Variants in DOCK8 observed in about 807,000 individuals in gnomAD.
DOCK8 encodes the protein dedicator of cytokinesis protein 8.
Under a neutral mutation model 245.6 loss-of-function variants are expected in DOCK8, and 141 were observed. That is an observed-to-expected ratio of 0.57 (90% CI 0.50 to 0.66). The LOEUF (loss-of-function observed/expected upper bound fraction) is 0.66. Among genes scored for constraint, DOCK8 ranks in the 30% least tolerant of loss-of-function variants. The probability of loss-of-function intolerance (pLI) is 0.00; values close to 1 mark genes in which losing one functional copy is unlikely to be tolerated. For synonymous variants in DOCK8, 1,168 were observed against 970.2 expected (o/e 1.20, Z -3.79); for missense variants, 2,965 against 2,603.4 (o/e 1.14, Z -3.02).
rs1448612154 is a variant in DOCK8 at position 449,903 on chromosome 9, C to T, written c.5937C>T (p.Gly1979=). The T allele has an allele frequency of 6.2e-7, 1 of 1,613,928 alleles. No individual in the cohort carries two copies. The highest frequency in any genetic ancestry group is 1.1e-5 in the South Asian group (1 of 91,072). ...AGATGCTTCAGATGGTGCTGCAAGG[C>T]TCTGTGGGAGCTACTGTAAATCAGG... is the stretch of plus-strand genomic sequence containing the variant. ...DAKMLQMVLQ[G]SVGATVNQGP... The change falls in exon 45 of 48, where the codon GGC becomes GGT. Residue 1979 remains glycine (G), a synonymous_variant. Coordinates refer to ENST00000432829, the MANE Select transcript of DOCK8 (RefSeq NM_203447.4).
At chr9:352,371 C>T (rs2052211317) in intron 14 of DOCK8, among the ~76,000 whole-genome samples, 1 of 152,150 alleles carries the variant, frequency 6.6e-6, no homozygotes, top group Admixed American at 6.5e-5. Context: ...CAACCTCTAA[C>T]GTTTCCTCCC....
intron 40 of DOCK8, among the ~76,000 whole-genome samples, chr9:440,683 T>G (rs10758602): frequency 0.65 from 99,353 of 151,838 alleles, 35,000 homozygotes; most frequent in East Asian, 0.96. Flanking sequence ...CTTTCTGAAT[T>G]GCTGTTAGTC....
chr9:431,031 C>G (rs1398149296), intron 36 of DOCK8, among the ~76,000 whole-genome samples: 2 of 109,958 alleles, frequency 1.8e-5, no homozygotes, highest in Non-Finnish European at 4.4e-5. Flanking sequence ...AGCCACCTTA[C>G]CCAGCTAATT....
Position 420,408 on chromosome 9 carries a change from A to G in DOCK8, c.3848A>G (p.Lys1283Arg), listed in dbSNP as rs2056227783. The G allele has an allele frequency of 1.2e-6, 2 of 1,614,106 alleles. No homozygotes were observed. The highest frequency in any genetic ancestry group is 1.3e-5 in the African/African-American group (1 of 75,018). ...SGIVLSSLPYKQYNMLNADTT... is the reference protein window; with the variant it reads ...SGIVLSSLPYRQYNMLNADTT... Reference sequence around the variant, plus strand: ...CAATCTGCCTCCCTTCAGCCCTATAAGCAGTACAACATGCTGAACGCGGAC... The same window carrying G: ...CAATCTGCCTCCCTTCAGCCCTATAGGCAGTACAACATGCTGAACGCGGAC... Residue 1283 changes from lysine to arginine, a missense_variant, in exon 31 of 48, where the codon AAG becomes AGG. By Grantham distance (26) the Lys-to-Arg change is conservative (BLOSUM62 2). Around this residue, in one of 3 missense-constraint regions of DOCK8, gnomAD observed 2,825 missense variants for 2,453.5 expected, o/e 1.15. Coordinates refer to ENST00000432829, the MANE Select transcript of DOCK8 (RefSeq NM_203447.4).
At chr9:261,071 G>A (rs1252792295) in intron 1 of DOCK8, among the ~76,000 whole-genome samples, 2 of 146,484 alleles carry the variant, frequency 1.4e-5, no homozygotes, top group African/African-American at 5.1e-5. Flanking sequence ...GGGCGACAGA[G>A]CAAGACTCCG....
chr9:307,820 T>A (rs1357245283), intron 5 of DOCK8, among the ~76,000 whole-genome samples: 1 of 152,068 alleles, frequency 6.6e-6, no homozygotes, highest in Non-Finnish European at 1.5e-5. Flanking sequence ...AACCTAAGTA[T>A]CCATCAGCAG....
At chr9:231,330 T>C (rs2047111611) in intron 1 of DOCK8, among the ~76,000 whole-genome samples, 1 of 152,160 alleles carries the variant, frequency 6.6e-6, no homozygotes, top group South Asian at 2.1e-4. Flanking sequence ...TGAAGTCAGG[T>C]AGTGTGATGC....
chr9:287,302 G>T (rs568712295), intron 3 of DOCK8, among the ~76,000 whole-genome samples: 1 of 152,222 alleles, frequency 6.6e-6, no homozygotes, highest in Non-Finnish European at 1.5e-5. Flanking sequence ...TTAGTTTTTG[G>T]CATCAAACTA....
At chr9:277,596 A>G (rs2048411390) in intron 2 of DOCK8, among the ~76,000 whole-genome samples, 1 of 150,750 alleles carries the variant, frequency 6.6e-6, no homozygotes. Context: ...GTTAGGATCT[A>G]TGCCCTAAGG....
At chr9:357,214 G>C (rs1199348379) in intron 14 of DOCK8, among the ~76,000 whole-genome samples, 1 of 152,212 alleles carries the variant, frequency 6.6e-6, no homozygotes, top group Non-Finnish European at 1.5e-5. Flanking sequence ...TCATAGAAAA[G>C]AATGGGATGG....
intron 27 of DOCK8, 99 bp from the exon 28 acceptor site, chr9:406,831 C>A: frequency 6.5e-7 from 1 of 1,528,584 alleles, no homozygotes; most frequent in Non-Finnish European, 9.0e-7. Flanking sequence ...GGGGAGGGCT[C>A]ACGAAGCCTG....
At position 289,520 on chromosome 9, in the gene DOCK8, G is replaced by T; in HGVS notation, c.343G>T (p.Asp115Tyr). The part of the protein sequence containing the change: ...PSLPEEGVEL[D>Y]PHVRDCVQTY... ...TTTCTACCTCATTAGGGTTGAACTG[G>T]ACCCTCATGTCAGGGACTGTGTTCA... Residue 115 changes from aspartate to tyrosine, a missense_variant, in exon 4 of 48, where the codon GAC becomes TAC. Asp to Tyr is a radical substitution (Grantham distance 160, BLOSUM62 -3). This residue lies in a region of DOCK8 where 2,825 missense variants were observed against 2,453.5 expected (regional missense o/e 1.15). Transcript: ENST00000432829. 6.2e-7 allele frequency: 1 copy of T among 1,613,442 alleles called. No homozygotes were observed.
At chr9:245,021 C>A (rs2047473847) in intron 1 of DOCK8, among the ~76,000 whole-genome samples, 1 of 152,016 alleles carries the variant, frequency 6.6e-6, no homozygotes. Flanking sequence ...CTTGTTTTTC[C>A]CACATCAGGA....
chr9:244,556 G>A (rs1167634680), intron 1 of DOCK8, among the ~76,000 whole-genome samples: 1 of 151,944 alleles, frequency 6.6e-6, no homozygotes, highest in Non-Finnish European at 1.5e-5. Flanking sequence ...ACCTGCCCCT[G>A]GTGTTCTGTA....
intron 47 of DOCK8, 66 bp downstream of exon 47, chr9:463,753 T>G (rs2057885839): frequency 6.3e-7 from 1 of 1,586,910 alleles, no homozygotes; most frequent in Non-Finnish European, 8.6e-7. Context: ...CCTAGCACCT[T>G]GGGGCATGCT....
intron 26 of DOCK8, 150 bp downstream of exon 26, chr9:399,409 C>G (rs2054633785): frequency 1.4e-6 from 1 of 697,164 alleles, no homozygotes. Context: ...TCCCTCATGT[C>G]TGTGCCATGG....
intron 7 of DOCK8, among the ~76,000 whole-genome samples, chr9:323,473 G>A (rs1204387762): frequency 2.0e-5 from 3 of 151,870 alleles, no homozygotes; most frequent in East Asian, 1.9e-4. Flanking sequence ...CGCTTGCCTC[G>A]GCCTCCCAAA....
At chr9:429,946 G>C in intron 36 of DOCK8, 92 bp downstream of exon 36, 1 of 1,485,598 alleles carries the variant, frequency 6.7e-7, no homozygotes, top group East Asian at 2.4e-5. Flanking sequence ...AAATTTTGCA[G>C]TATTGCAGTT....
intron 44 of DOCK8, among the ~76,000 whole-genome samples, chr9:447,442 G>A (rs1465758072): frequency 6.6e-6 from 1 of 152,128 alleles, no homozygotes; most frequent in Admixed American, 6.5e-5. Flanking sequence ...TGTGTAAGCA[G>A]AGTGAGAGCT....
Sources: gnomAD v4.1 joint callset for allele counts (sites outside exome capture counted in the v4.1 genomes callset) on GRCh38, gnomAD v4.1.1 for gene constraint, gnomAD v4.1.1 regional missense constraint, MANE v1.5 for transcripts, NCBI Gene and HGNC (gene_info 2026-07-23, HGNC 2026-07-21) for gene names.